AGAP1: variants seen among roughly 807,000 people sequenced by gnomAD.
AGAP1 encodes arf-GAP with GTPase, ANK repeat and PH domain-containing protein 1.
A neutral mutation model predicts 105.3 loss-of-function variants in AGAP1; 29 were observed. The ratio of observed to expected loss-of-function variants is 0.28; its 90% CI spans 0.21 to 0.38. The LOEUF (loss-of-function observed/expected upper bound fraction) is 0.38. Among genes scored for constraint, AGAP1 ranks in the 10% least tolerant of loss-of-function variants. The pLI, the probability that AGAP1 is intolerant of heterozygous loss-of-function variation, is 1.00. For missense variants in AGAP1, 998 were observed against 1,165.1 expected (o/e 0.86, Z 2.09); for synonymous variants, 509 against 485.9 (o/e 1.05, Z -0.63).
chr2:235,967,793 G>A lies in AGAP1; in HGVS notation c.1484-669G>A, dbSNP rs1012522066. Reference sequence around the variant, plus strand: ...AAGATACAAATGGACATAATACATTGAGAGTTTCACTTATAGTGAATAATC... The same window carrying A: ...AAGATACAAATGGACATAATACATTAAGAGTTTCACTTATAGTGAATAATC... On this transcript the variant is annotated intron_variant, in intron 12 of 17. Transcript: ENST00000304032. The surrounding 1 kb of genome is among the most constrained non-coding windows in gnomAD (Gnocchi z 4.7). Among the ~76,000 whole-genome samples, 3 of 152,152 alleles carry A rather than the reference G, an allele frequency of 2.0e-5. No homozygotes were observed. The highest frequency in any genetic ancestry group is 7.2e-5 in the African/African-American group (3 of 41,412).
intron 16 of AGAP1, among the ~76,000 whole-genome samples, chr2:236,059,269 A>G (rs910121945): frequency 1.3e-5 from 2 of 152,244 alleles, no homozygotes; most frequent in Non-Finnish European, 2.9e-5. Flanking sequence ...AGAGTAATAT[A>G]CTTAGAAATA....
rs1406041065 is a variant in AGAP1 at position 236,001,833 on chromosome 2, G to A, written c.1645+33210G>A. On this transcript the variant is annotated intron_variant, in intron 13 of 17. Coordinates refer to ENST00000304032, the MANE Select transcript of AGAP1 (RefSeq NM_001037131.3). This position sits in a 1 kb window ranked among gnomAD's most constrained non-coding sequence, Gnocchi z 4.7. ...TGCGTGGAATGCGTGGTCTCTAATAGGTTATGCCAGCCCCTCTCGTTGGGC... is the reference window on the plus strand; with the variant it reads ...TGCGTGGAATGCGTGGTCTCTAATAAGTTATGCCAGCCCCTCTCGTTGGGC... Among the ~76,000 whole-genome samples, 1 of 152,216 alleles carries A rather than the reference G, an allele frequency of 6.6e-6. No homozygotes were observed. The highest frequency in any genetic ancestry group is 2.4e-5 in the African/African-American group (1 of 41,450).
At chr2:235,668,866 A>G (rs758766798) in intron 1 of AGAP1, among the ~76,000 whole-genome samples, 4 of 152,174 alleles carry the variant, frequency 2.6e-5, no homozygotes, top group Non-Finnish European at 5.9e-5. Flanking sequence ...CCTGTTTTAC[A>G]GGTGGAAAAG....
intron 11 of AGAP1, among the ~76,000 whole-genome samples, chr2:235,922,760 C>T (rs1381489222): frequency 7.2e-5 from 11 of 152,164 alleles, no homozygotes; most frequent in East Asian, 1.9e-4. Flanking sequence ...TTTTCATGCT[C>T]ATTTGAGATC....
rs913070462 is a variant in AGAP1 at position 236,101,646 on chromosome 2, C to T, written c.2115-18546C>T. On this transcript the variant is annotated intron_variant, in intron 16 of 17. Coordinates refer to ENST00000304032, the MANE Select transcript of AGAP1 (RefSeq NM_001037131.3). The surrounding 1 kb of genome is among the most constrained non-coding windows in gnomAD (Gnocchi z 4.9). ...GGAGCGGAGGAAAAGGGCCATTTCT[C>T]TTCCCTTATCTGTTTATGATGCGAT... Among the ~76,000 whole-genome samples, 8 of 152,204 alleles carry T rather than the reference C, an allele frequency of 5.3e-5. No individual in the cohort carries two copies. The highest frequency in any genetic ancestry group is 1.9e-4 in the African/African-American group (8 of 41,458).
Position 235,951,250 on chromosome 2 carries a change from C to T in AGAP1, c.1484-17212C>T, listed in dbSNP as rs1299850682. On this transcript the variant is annotated intron_variant, in intron 12 of 17. Coordinates refer to ENST00000304032, the MANE Select transcript of AGAP1 (RefSeq NM_001037131.3). This position sits in a 1 kb window ranked among gnomAD's most constrained non-coding sequence, Gnocchi z 4.2. Reference sequence around the variant, plus strand: ...CTGCAGTTGCGGATGAAGATGCTCACGAGTGGAGGTGTTGGTGGAGATAGT... The same window carrying T: ...CTGCAGTTGCGGATGAAGATGCTCATGAGTGGAGGTGTTGGTGGAGATAGT... 4.6e-5 allele frequency among the ~76,000 whole-genome samples: 7 copies of T among 152,120 alleles called. No homozygotes were observed. The highest frequency in any genetic ancestry group is 7.3e-5 in the Non-Finnish European group (5 of 68,036).
intron 2 of AGAP1, among the ~76,000 whole-genome samples, chr2:235,713,809 T>A (rs919094625): frequency 6.6e-6 from 1 of 152,104 alleles, no homozygotes; most frequent in Non-Finnish European, 1.5e-5. Flanking sequence ...AAGTCCAAGA[T>A]CAAGGCACCT....
intron 1 of AGAP1, among the ~76,000 whole-genome samples, chr2:235,704,815 G>A (rs1283530559): frequency 6.6e-6 from 1 of 152,088 alleles, no homozygotes; most frequent in Non-Finnish European, 1.5e-5. Flanking sequence ...AGGTCAAGGG[G>A]GACTTTCCCA....
Position 235,720,640 on chromosome 2 carries a change from C to T in AGAP1, c.310+2996C>T. 4 of 983,240 alleles carry T rather than the reference C, an allele frequency of 4.1e-6. No homozygotes were observed. Among genetic ancestry groups the T allele is most frequent in the Non-Finnish European group, 4.8e-6 (4 of 829,266 alleles). The allele number at this position is 983,240 out of a possible 1,614,324, so 60.9% of individuals were successfully genotyped here. A position where few individuals can be genotyped will look rare whatever the true frequency, so the allele number is the denominator to read the frequency against. ...TGAAAGGCATTTTGCTGTGTATCTG[C>T]CTGTCCAGATAGTTCCTTGGATTCT... On this transcript the variant is annotated intron_variant, in intron 3 of 17. Coordinates refer to ENST00000304032, the MANE Select transcript of AGAP1 (RefSeq NM_001037131.3). This position sits in a 1 kb window ranked among gnomAD's most constrained non-coding sequence, Gnocchi z 5.0.
At position 235,600,234 on chromosome 2, in the gene AGAP1, T is replaced by G. The variant is rs750985289; in HGVS notation, c.163+105385T>G. On this transcript the variant is annotated intron_variant, in intron 1 of 17. Transcript: ENST00000304032. The surrounding 1 kb of genome is among the most constrained non-coding windows in gnomAD (Gnocchi z 4.8). Reference sequence around the variant, plus strand: ...GAGCTGATGATCTAATTCGGATGATTTATGGCCTCTGTTTACCCCACAGAC... The same window carrying G: ...GAGCTGATGATCTAATTCGGATGATGTATGGCCTCTGTTTACCCCACAGAC... 1.9e-4 allele frequency among the ~76,000 whole-genome samples: 29 copies of G among 152,154 alleles called. No homozygotes were observed. Among genetic ancestry groups the G allele is most frequent in the Non-Finnish European group, 3.7e-4 (25 of 68,028 alleles).
At chr2:235,564,811 C>T (rs112009078) in intron 1 of AGAP1, among the ~76,000 whole-genome samples, 8 of 110,756 alleles carry the variant, frequency 7.2e-5, no homozygotes, top group Middle Eastern at 7.6e-3. Flanking sequence ...CCAGCACCCA[C>T]GGCCAGGTGT....
rs543064894 is a variant in AGAP1 at position 235,659,738 on chromosome 2, G to C, written c.164-49441G>C. 6.6e-6 allele frequency among the ~76,000 whole-genome samples: 1 copy of C among 152,322 alleles called. No homozygotes were observed. The highest frequency in any genetic ancestry group is 1.9e-4 in the East Asian group (1 of 5,192). On this transcript the variant is annotated intron_variant, in intron 1 of 17. Transcript: ENST00000304032. This position sits in a 1 kb window ranked among gnomAD's most constrained non-coding sequence, Gnocchi z 5.0. ...ATTCCAAGTATTCTATTTCTTAATG[G>C]ATCTTCTAAGCCCTGGATCAATAGT...
At chr2:235,928,100 C>G (rs745560272) in intron 11 of AGAP1, among the ~76,000 whole-genome samples, 43 of 152,340 alleles carry the variant, frequency 2.8e-4, no homozygotes, top group Admixed American at 4.6e-4. Context: ...AGGTGCCCCC[C>G]CAATCGCACC....
chr2:235,919,279 C>T lies in AGAP1; in HGVS notation c.1324+10373C>T, dbSNP rs894953931. ...GAGTCCGTGGCTTCCCTGCTTCCTG[C>T]AGTCCTTTCCCACACTGGCAGAGGA... On this transcript the variant is annotated intron_variant, in intron 11 of 17. Transcript: ENST00000304032. This position sits in a 1 kb window ranked among gnomAD's most constrained non-coding sequence, Gnocchi z 4.1. Among the ~76,000 whole-genome samples, 2 of 152,210 alleles carry T rather than the reference C, an allele frequency of 1.3e-5. No individual in the cohort carries two copies. The highest frequency in any genetic ancestry group is 2.9e-5 in the Non-Finnish European group (2 of 68,044).
chr2:235,677,905 CCAAAAAAAAAAAAA>C (rs1948833458), intron 1 of AGAP1, among the ~76,000 whole-genome samples: 1 of 68,562 alleles, frequency 1.5e-5, no homozygotes. Context: ...TAGCTCTTTA[CCAAAAAAAAAAAAA>C]AAAAAAAAAA....
At chr2:235,628,915 A>G (rs1054845632) in intron 1 of AGAP1, among the ~76,000 whole-genome samples, 3 of 151,834 alleles carry the variant, frequency 2.0e-5, no homozygotes, top group African/African-American at 7.3e-5. Flanking sequence ...GGGTTCAAGC[A>G]ATTCTCCTGC....
intron 9 of AGAP1, among the ~76,000 whole-genome samples, chr2:235,847,947 G>A (rs1297868833): frequency 1.3e-5 from 2 of 152,228 alleles, no homozygotes. Flanking sequence ...TTCACAGTCT[G>A]GTTAATACAA....
At position 235,977,205 on chromosome 2, in the gene AGAP1, G is replaced by A. The variant is rs2054898042; in HGVS notation, c.1645+8582G>A. On this transcript the variant is annotated intron_variant, in intron 13 of 17. Coordinates refer to ENST00000304032, the MANE Select transcript of AGAP1 (RefSeq NM_001037131.3). This position sits in a 1 kb window ranked among gnomAD's most constrained non-coding sequence, Gnocchi z 5.2. ...GGGATTGGAATTCGGGCTAGCTTGG[G>A]AGACCCTGCATTGGTCGACTTTCAT... is the stretch of plus-strand genomic sequence containing the variant. 6.6e-6 allele frequency among the ~76,000 whole-genome samples: 1 copy of A among 152,066 alleles called. No homozygotes were observed. Among genetic ancestry groups the A allele is most frequent in the African/African-American group, 2.4e-5 (1 of 41,398 alleles).
intron 13 of AGAP1, among the ~76,000 whole-genome samples, chr2:235,997,095 T>C (rs181507592): frequency 6.6e-6 from 1 of 152,312 alleles, no homozygotes; most frequent in Admixed American, 6.5e-5. Context: ...GAAGATCTTT[T>C]TTGTTGTTGT....
Sources: allele counts gnomAD v4.1 joint callset (sites outside exome capture counted in the v4.1 genomes callset), GRCh38; gene constraint gnomAD v4.1.1; non-coding constraint Gnocchi (gnomAD v3.1); transcripts MANE v1.5; gene names NCBI Gene and HGNC (gene_info 2026-07-23, HGNC 2026-07-21).